CLASP2: variants seen among roughly 807,000 people sequenced by gnomAD.
CLASP2 encodes cytoplasmic linker associated protein 2, also known as CLIP-associating protein 2.
In CLASP2, 47 loss-of-function variants were observed where a neutral mutation model predicts 194.4. That is an observed-to-expected ratio of 0.24 (90% CI 0.19 to 0.31). CLASP2 has a LOEUF of 0.31. Ranked by LOEUF, CLASP2 falls within the 10% of genes least tolerant of loss-of-function variation. CLASP2 has a pLI of 1.00. For synonymous variants in CLASP2, 619 were observed against 633.5 expected, an observed-to-expected ratio of 0.98 and a Z score of 0.34; for missense variants, 1,445 against 1,823.6, an observed-to-expected ratio of 0.79 and a Z score of 3.78.
chr3:33,550,474 C>T (rs1359228047), intron 30 of CLASP2, among the ~76,000 whole-genome samples: 6 of 150,044 alleles, frequency 4.0e-5, no homozygotes, highest in Admixed American at 4.0e-4. Flanking sequence ...AGAGAAATTC[C>T]AGACAGACGT....
intron 19 of CLASP2, 179 bp downstream of exon 19, chr3:33,596,532 T>C (rs935008505): frequency 7.6e-5 from 48 of 629,530 alleles, no homozygotes; most frequent in South Asian, 8.9e-5. Flanking sequence ...GTATGCCCAA[T>C]AGATATCCCT....
chr3:33,532,249 G>A (rs956122501), intron 34 of CLASP2, among the ~76,000 whole-genome samples: 1 of 152,238 alleles, frequency 6.6e-6, no homozygotes, highest in African/African-American at 2.4e-5. Flanking sequence ...AGGATACCAC[G>A]CTAAATGAAA....
chr3:33,669,836 C>T (rs543016201), intron 6 of CLASP2, among the ~76,000 whole-genome samples: 1 of 152,070 alleles, frequency 6.6e-6, no homozygotes, highest in Non-Finnish European at 1.5e-5. Context: ...AAATGGGATA[C>T]AACCACTCTG....
At chr3:33,556,257 A>T (rs1315011059) in intron 29 of CLASP2, among the ~76,000 whole-genome samples, 3 of 152,224 alleles carry the variant, frequency 2.0e-5, no homozygotes, top group South Asian at 4.2e-4. Flanking sequence ...CAATAAAAAA[A>T]TTTTCTAGAT....
intron 21 of CLASP2, 138 bp from the exon 22 acceptor site, chr3:33,585,058 C>T (rs2067042608): frequency 1.6e-6 from 1 of 624,210 alleles, no homozygotes; most frequent in Non-Finnish European, 2.5e-6. Flanking sequence ...AGGAAATAGA[C>T]CGAGGAAGAT....
rs781353063 is a variant in CLASP2 at position 33,696,878 on chromosome 3, C to T, written c.251G>A (p.Arg84His). ...ACCCATTGCTACATAGGATTTAAAG[C>T]GTGTTGATAATCTGTCCACAAAGGC... Reference protein sequence around the residue: ...LSAFVDRLSTRFKSYVAMVIV... With the variant: ...LSAFVDRLSTHFKSYVAMVIV... Residue 84 changes from arginine to histidine, a missense_variant, in exon 2 of 39, where the codon CGC becomes CAC. Around this residue, in one of 4 missense-constraint regions of CLASP2, gnomAD observed 332 missense variants for 325.3 expected, o/e 1.02. Transcript: ENST00000682230. 1.1e-5 allele frequency: 18 copies of T among 1,593,670 alleles called. No individual in the cohort carries two copies. The highest frequency in any genetic ancestry group is 2.3e-5 in the South Asian group (2 of 87,996).
intron 24 of CLASP2, chr3:33,574,642 C>T (rs2064453480): frequency 4.2e-6 from 2 of 480,426 alleles, no homozygotes; most frequent in South Asian, 8.1e-5. Context: ...TGCTTATTAG[C>T]AGGCTGTGTC....
chr3:33,695,548 G>C (rs1458438316), intron 2 of CLASP2, among the ~76,000 whole-genome samples: 2 of 151,986 alleles, frequency 1.3e-5, no homozygotes, highest in Non-Finnish European at 2.9e-5. Flanking sequence ...CAGAATGGTA[G>C]GTAGCATACC....
intron 26 of CLASP2, among the ~76,000 whole-genome samples, chr3:33,567,136 CTTTCT>C (rs1379696174): frequency 1.3e-5 from 2 of 152,116 alleles, no homozygotes; most frequent in Admixed American, 6.5e-5. Flanking sequence ...GAATTTTTTC[CTTTCT>C]TTTCTCTTTT....
intron 34 of CLASP2, among the ~76,000 whole-genome samples, chr3:33,525,772 G>C (rs530242385): frequency 6.6e-6 from 1 of 152,296 alleles, no homozygotes; most frequent in East Asian, 1.9e-4. Flanking sequence ...TTAGACCCCT[G>C]TACATAGCCT....
intron 10 of CLASP2, among the ~76,000 whole-genome samples, chr3:33,625,555 ATCTC>A (rs1171616669): frequency 1.2e-4 from 18 of 150,550 alleles, no homozygotes; most frequent in South Asian, 2.1e-4. Context: ...ATCAAGTATG[ATCTC>A]TCTCTTTTTT....
At chr3:33,678,061 A>C (rs1398820466) in intron 6 of CLASP2, among the ~76,000 whole-genome samples, 1 of 152,010 alleles carries the variant, frequency 6.6e-6, no homozygotes, top group East Asian at 1.9e-4. Flanking sequence ...TCCAAAACTG[A>C]AAAAGCAAAG....
chr3:33,537,636 A>G (rs1005441343), intron 33 of CLASP2, among the ~76,000 whole-genome samples: 1 of 152,244 alleles, frequency 6.6e-6, no homozygotes, highest in African/African-American at 2.4e-5. Context: ...TGTAGGTTAT[A>G]ACATTCTTAC....
At chr3:33,522,949 G>A (rs886472657) in intron 34 of CLASP2, among the ~76,000 whole-genome samples, 2 of 152,124 alleles carry the variant, frequency 1.3e-5, no homozygotes, top group African/African-American at 2.4e-5. Context: ...GGTGGTGGGC[G>A]CTTGTAGTCC....
chr3:33,664,256 A>G (rs2154334326), intron 6 of CLASP2, among the ~76,000 whole-genome samples: 1 of 152,258 alleles, frequency 6.6e-6, no homozygotes, highest in East Asian at 1.9e-4. Flanking sequence ...TCAGAGTGAA[A>G]TGGGATAAAA....
chr3:33,577,848 A>G (rs1217811001), intron 23 of CLASP2, among the ~76,000 whole-genome samples: 1 of 152,240 alleles, frequency 6.6e-6, no homozygotes, highest in African/African-American at 2.4e-5. Flanking sequence ...ATTTGAAAAC[A>G]CAATGAGAAG....
At chr3:33,636,882 T>G (rs1423762262) in intron 8 of CLASP2, among the ~76,000 whole-genome samples, 2 of 152,218 alleles carry the variant, frequency 1.3e-5, no homozygotes, top group Non-Finnish European at 2.9e-5. Flanking sequence ...ATTACAGGTG[T>G]GAGCCACTAT....
At chr3:33,525,021 T>C (rs2054139227) in intron 34 of CLASP2, among the ~76,000 whole-genome samples, 2 of 152,168 alleles carry the variant, frequency 1.3e-5, no homozygotes, top group Admixed American at 6.5e-5. Flanking sequence ...AGGTTATATG[T>C]TGGGACACAA....
At chr3:33,638,975 G>A (rs561616972) in intron 8 of CLASP2, among the ~76,000 whole-genome samples, 1 of 152,312 alleles carries the variant, frequency 6.6e-6, no homozygotes, top group Non-Finnish European at 1.5e-5. Context: ...GGACCAAAAT[G>A]CTAACAATAA....
Sources: gnomAD v4.1 joint callset for allele counts (sites outside exome capture counted in the v4.1 genomes callset) on GRCh38, gnomAD v4.1.1 for gene constraint, gnomAD v4.1.1 regional missense constraint, MANE v1.5 for transcripts, NCBI Gene and HGNC (gene_info 2026-07-23, HGNC 2026-07-21) for gene names.